GLB1L3: variants seen among roughly 807,000 people sequenced by gnomAD.
The protein encoded by GLB1L3 is galactosidase beta 1 like 3, also known as beta-galactosidase-1-like protein 3.
In GLB1L3, 89 loss-of-function variants were observed where a neutral mutation model predicts 89.5. The observed-to-expected ratio is 0.99, with a 90% CI of 0.84 to 1.19. GLB1L3 has a LOEUF of 1.19. Ranked by LOEUF, GLB1L3 falls within the 50% of genes most tolerant of loss-of-function variation. The pLI, the probability that GLB1L3 is intolerant of heterozygous loss-of-function variation, is 0.00. For synonymous variants in GLB1L3, 314 were observed against 312.3 expected, an observed-to-expected ratio of 1.01 and a Z score of -0.06; for missense variants, 812 against 813.3, an observed-to-expected ratio of 1.00 and a Z score of 0.02.
chr11:134,281,471 C>A (rs11223744), intron 4 of GLB1L3, 26 bp downstream of exon 4: 152,160 of 1,331,244 alleles, frequency 0.11, 16,843 homozygotes, highest in African/African-American at 0.12. Flanking sequence ...GCTTCTGTGC[C>A]CTGGTCAGGG....
intron 7 of GLB1L3, among the ~76,000 whole-genome samples, chr11:134,290,160 C>A (rs521321): frequency 6.6e-6 from 1 of 151,912 alleles, no homozygotes; most frequent in Admixed American, 6.5e-5. Flanking sequence ...TGCCCTGCAT[C>A]GGTTGTGTTC....
chr11:134,279,364 CTTTTTTTTT>C (rs10577769), intron 3 of GLB1L3, among the ~76,000 whole-genome samples: 13 of 108,342 alleles, frequency 1.2e-4, no homozygotes, highest in South Asian at 3.4e-4. Context: ...TTTTCTTTTT[CTTTTTTTTT>C]TTTTTTTTTT....
intron 9 of GLB1L3, among the ~76,000 whole-genome samples, chr11:134,294,290 A>G (rs1941517155): frequency 6.6e-6 from 1 of 150,948 alleles, no homozygotes. Flanking sequence ...TTGGTCTCAA[A>G]CTCCTGACCC....
chr11:134,308,451 A>ATGT (rs1565413773), intron 10 of GLB1L3, among the ~76,000 whole-genome samples: 1 of 41,156 alleles, frequency 2.4e-5, no homozygotes, highest in African/African-American at 1.6e-4. Context: ...CACCATCACC[A>ATGT]CCACCACCAC....
In GLB1L3 at chr11:134,313,484, G is replaced by A; in HGVS notation, c.1579+10G>A. 6.4e-7 allele frequency: 1 copy of A among 1,566,668 alleles called. No individual in the cohort carries two copies. Among genetic ancestry groups the A allele is most frequent in the South Asian group, 1.2e-5 (1 of 84,952 alleles). ...CAGAATGAGCAGAAAGGTGGGCTCT[G>A]GCTGTGGCTTCTCCTCAGTTGCTCA... On this transcript the variant is annotated intron_variant, in intron 16 of 19. Coordinates refer to ENST00000431683, the MANE Select transcript of GLB1L3 (RefSeq NM_001080407.3).
chr11:134,313,107 C>T (rs772946850), intron 15 of GLB1L3, among the ~76,000 whole-genome samples: 7 of 152,186 alleles, frequency 4.6e-5, no homozygotes, highest in Non-Finnish European at 8.8e-5. Context: ...GGGATTTCCT[C>T]ACCAAGTCCT....
At chr11:134,305,023 CA>C in intron 9 of GLB1L3, 1 of 1,414,404 alleles carries the variant, frequency 7.1e-7, no homozygotes, top group East Asian at 2.5e-5. Flanking sequence ...ATCTTAGTGG[CA>C]TAATAACAAT....
At chr11:134,290,241 A>G (rs1941271611) in intron 7 of GLB1L3, among the ~76,000 whole-genome samples, 1 of 149,144 alleles carries the variant, frequency 6.7e-6, no homozygotes, top group African/African-American at 2.4e-5. Context: ...AGCATTATTT[A>G]ATCGGTTGTG....
At chr11:134,277,490 C>G in intron 2 of GLB1L3, 39 bp downstream of exon 2, 2 of 1,601,126 alleles carry the variant, frequency 1.2e-6, no homozygotes, top group Admixed American at 1.7e-5. Flanking sequence ...GGGAGGGGAG[C>G]GATCTCTCCT....
At position 134,308,470 on chromosome 11, in the gene GLB1L3, C is replaced by T. The variant is rs1434457029; in HGVS notation, c.962-1156C>T. ...ATCACCACCACCACCACCACCACCA[C>T]CAAATACCACCACCACCATCACCAC... is the stretch of plus-strand genomic sequence containing the variant. On this transcript the variant is annotated intron_variant, in intron 10 of 19. Coordinates refer to ENST00000431683, the MANE Select transcript of GLB1L3 (RefSeq NM_001080407.3). Among the ~76,000 whole-genome samples, 27 of 9,774 alleles carry T rather than the reference C, an allele frequency of 2.8e-3. 1 individual carries two copies. The highest frequency in any genetic ancestry group is 0.012 in the African/African-American group (18 of 1,542). The allele number at this position is 9,774 out of a possible 152,430, so 6.4% of individuals were successfully genotyped here. A position where few individuals can be genotyped will look rare whatever the true frequency, so the allele number is the denominator to read the frequency against.
At position 134,314,036 on chromosome 11, in the gene GLB1L3, C is replaced by G; in HGVS notation, c.1667+8C>G. 1 of 1,577,426 alleles carries G rather than the reference C, an allele frequency of 6.3e-7. No homozygotes were observed. The highest frequency in any genetic ancestry group is 8.7e-7 in the Non-Finnish European group (1 of 1,148,214). ...AATGAGCTTCTTTGAGAGGTATGCT[C>G]CAGCTGGCCCCCAGTGCACACTTCA... On this transcript the variant is annotated splice_region_variant and intron_variant, in intron 17 of 19. Coordinates refer to ENST00000431683, the MANE Select transcript of GLB1L3 (RefSeq NM_001080407.3).
chr11:134,280,958 C>T (rs1416850345), intron 3 of GLB1L3, among the ~76,000 whole-genome samples: 1 of 152,200 alleles, frequency 6.6e-6, no homozygotes, highest in African/African-American at 2.4e-5. Context: ...AGGTAGTACC[C>T]TTACTAGATT....
intron 6 of GLB1L3, among the ~76,000 whole-genome samples, chr11:134,285,269 A>G (rs1940917497): frequency 6.6e-6 from 1 of 152,056 alleles, no homozygotes; most frequent in African/African-American, 2.4e-5. Flanking sequence ...CATGCACTTG[A>G]TAAGAAACGC....
upstream of GLB1L3, chr11:134,276,377 G>T (rs964331470): frequency 8.8e-6 from 2 of 228,108 alleles, no homozygotes; most frequent in African/African-American, 4.5e-5. Flanking sequence ...TCCCGCGCAG[G>T]CCTCCCTGTG....
intron 3 of GLB1L3, among the ~76,000 whole-genome samples, chr11:134,280,844 A>G (rs1940646378): frequency 6.6e-6 from 1 of 152,218 alleles, no homozygotes; most frequent in African/African-American, 2.4e-5. Flanking sequence ...GTGGCACAAA[A>G]AAACACAGTT....
At chr11:134,286,495 G>A (rs1246428209) in intron 6 of GLB1L3, among the ~76,000 whole-genome samples, 1 of 133,410 alleles carries the variant, frequency 7.5e-6, no homozygotes, top group African/African-American at 2.8e-5. Flanking sequence ...AAGACTGGTG[G>A]CCGGGCGCGG....
At chr11:134,298,588 G>A (rs1337354970) in intron 9 of GLB1L3, among the ~76,000 whole-genome samples, 2 of 152,130 alleles carry the variant, frequency 1.3e-5, no homozygotes, top group East Asian at 1.9e-4. Context: ...AGTCTTTCCC[G>A]TGCTATTCTC....
intron 6 of GLB1L3, among the ~76,000 whole-genome samples, 163 bp from the exon 7 acceptor site, chr11:134,288,635 C>T (rs774313205): frequency 6.6e-6 from 1 of 152,096 alleles, no homozygotes; most frequent in Non-Finnish European, 1.5e-5. Context: ...CCAAGTGACC[C>T]AGCAGACTCT....
At chr11:134,290,303 T>C (rs2136139295) in intron 7 of GLB1L3, among the ~76,000 whole-genome samples, 2 of 152,322 alleles carry the variant, frequency 1.3e-5, no homozygotes, top group African/African-American at 4.8e-5. Flanking sequence ...CTGTGCTCAG[T>C]GGCGCATGCC....
Sources: gnomAD v4.1 joint callset for allele counts (sites outside exome capture counted in the v4.1 genomes callset) on GRCh38, gnomAD v4.1.1 for gene constraint, MANE v1.5 for transcripts, NCBI Gene and HGNC (gene_info 2026-07-23, HGNC 2026-07-21) for gene names.